The following STIM1 variants were observed in gnomAD, a reference collection of about 807,000 sequenced individuals.
The protein encoded by STIM1 is stromal interaction molecule 1.
A neutral mutation model predicts 74.7 loss-of-function variants in STIM1; 25 were observed. The ratio of observed to expected loss-of-function variants is 0.33; its 90% CI spans 0.24 to 0.47. STIM1 has a LOEUF of 0.47. Ranked by LOEUF, STIM1 falls within the 20% of genes least tolerant of loss-of-function variation. The pLI, the probability that STIM1 is intolerant of heterozygous loss-of-function variation, is 1.00. For missense variants in STIM1, 728 were observed against 920.8 expected (o/e 0.79, Z 2.71); for synonymous variants, 328 against 348.8 (o/e 0.94, Z 0.66).
chr11:3,983,386 T>A (rs1250961412), intron 2 of STIM1, among the ~76,000 whole-genome samples: 1 of 152,232 alleles, frequency 6.6e-6, no homozygotes, highest in Non-Finnish European at 1.5e-5. Flanking sequence ...CTTTTGAGAA[T>A]GTCAGACTGA....
intron 2 of STIM1, among the ~76,000 whole-genome samples, chr11:4,005,931 C>T (rs1328484877): frequency 2.0e-5 from 3 of 152,024 alleles, no homozygotes; most frequent in Non-Finnish European, 2.9e-5. Flanking sequence ...AGCTATTGTA[C>T]CTGAAATATG....
In STIM1 at chr11:4,023,980, A is replaced by G. The variant is rs1474841835; in HGVS notation, c.378A>G (p.Ser126=). ...AGGACCTGTGGAAGGCATGGAAGTC[A>G]TCAGAAGGTAATAGGCAGCCTGGTC... ...SVEDLWKAWK[S]SEVYNWTVDE... is the part of the protein sequence containing the mutation. Residue 126 remains serine, a synonymous_variant, in exon 3 of 13, where the codon TCA becomes TCG. Coordinates refer to ENST00000526596, the MANE Select transcript of STIM1 (RefSeq NM_001382567.1). The G allele has an allele frequency of 6.2e-7, 1 of 1,613,680 alleles. No individual in the cohort carries two copies. The highest frequency in any genetic ancestry group is 8.5e-7 in the Non-Finnish European group (1 of 1,179,712).
At chr11:4,086,779 T>A in intron 12 of STIM1, 1 of 1,536,876 alleles carries the variant, frequency 6.5e-7, no homozygotes, top group South Asian at 1.2e-5. Context: ...CAGCACTTCC[T>A]ATTTCCTCCA....
intron 1 of STIM1, among the ~76,000 whole-genome samples, chr11:3,955,071 T>C (rs2093194778): frequency 6.6e-6 from 1 of 152,258 alleles, no homozygotes; most frequent in Non-Finnish European, 1.5e-5. Flanking sequence ...CTGATTCATG[T>C]GACAACATGG....
intron 1 of STIM1, among the ~76,000 whole-genome samples, chr11:3,888,488 C>G (rs961034903): frequency 6.6e-6 from 1 of 152,068 alleles, no homozygotes; most frequent in Non-Finnish European, 1.5e-5. Context: ...AATATTATAA[C>G]CCAGGTTTTA....
chr11:4,057,929 T>G (rs1284201164), intron 4 of STIM1, among the ~76,000 whole-genome samples: 1 of 151,860 alleles, frequency 6.6e-6, no homozygotes, highest in African/African-American at 2.4e-5. Flanking sequence ...AAGGTTGTTG[T>G]GAGGACTGAA....
chr11:3,890,859 C>T (rs192524723), intron 1 of STIM1, among the ~76,000 whole-genome samples: 55 of 152,306 alleles, frequency 3.6e-4, no homozygotes, highest in Admixed American at 2.0e-4. Flanking sequence ...TTAGGACTTT[C>T]ACCTCTCCAG....
chr11:4,082,024 C>A (rs1258878290), intron 7 of STIM1, among the ~76,000 whole-genome samples, 160 bp from the exon 8 acceptor site: 1 of 152,216 alleles, frequency 6.6e-6, no homozygotes, highest in South Asian at 2.1e-4. Flanking sequence ...CTTCGCTGAG[C>A]TTGCTTTCTT....
intron 5 of STIM1, among the ~76,000 whole-genome samples, chr11:4,067,386 A>G (rs78458244): frequency 6.6e-6 from 1 of 152,214 alleles, no homozygotes; most frequent in Non-Finnish European, 1.5e-5. Flanking sequence ...TGGCAATGCC[A>G]CTATCAGCTT....
intron 1 of STIM1, among the ~76,000 whole-genome samples, chr11:3,897,658 C>G (rs2092224615): frequency 6.6e-6 from 1 of 152,038 alleles, no homozygotes; most frequent in Non-Finnish European, 1.5e-5. Context: ...GCTATCCCTC[C>G]CCCCGCCACG....
chr11:3,911,693 T>A (rs2092564660), intron 1 of STIM1, among the ~76,000 whole-genome samples: 1 of 152,206 alleles, frequency 6.6e-6, no homozygotes, highest in Non-Finnish European at 1.5e-5. Flanking sequence ...TACTCTTTTC[T>A]ATCTAGTAAA....
intron 1 of STIM1, among the ~76,000 whole-genome samples, chr11:3,966,128 G>T (rs1252238146): frequency 6.6e-6 from 1 of 152,196 alleles, no homozygotes; most frequent in Non-Finnish European, 1.5e-5. Context: ...CAGCTATCTG[G>T]TCACCCTAGC....
intron 1 of STIM1, among the ~76,000 whole-genome samples, chr11:3,862,276 CAG>C (rs1342545418): frequency 6.6e-6 from 1 of 152,026 alleles, no homozygotes; most frequent in Non-Finnish European, 1.5e-5. Context: ...TAGGAACTTG[CAG>C]AGAGTTTATT....
intron 5 of STIM1, among the ~76,000 whole-genome samples, chr11:4,061,101 A>G (rs942347252): frequency 6.6e-6 from 1 of 152,224 alleles, no homozygotes; most frequent in Admixed American, 6.5e-5. Flanking sequence ...GCCTTGTAAT[A>G]TATATTATCA....
At chr11:3,948,234 G>A (rs1336018077) in intron 1 of STIM1, among the ~76,000 whole-genome samples, 1 of 152,018 alleles carries the variant, frequency 6.6e-6, no homozygotes, top group African/African-American at 2.4e-5. Flanking sequence ...GCTAGAGAGA[G>A]AATAATTCTA....
At chr11:4,058,870 A>G (rs2920138) in intron 4 of STIM1, 1,048,563 of 1,050,236 alleles carry the variant, frequency 1, 523,449 homozygotes, top group East Asian at 1. Flanking sequence ...TAATTCATAA[A>G]TCCCAGAATC....
chr11:3,985,754 G>T (rs2093552728), intron 2 of STIM1, among the ~76,000 whole-genome samples: 1 of 152,240 alleles, frequency 6.6e-6, no homozygotes, highest in Admixed American at 6.5e-5. Flanking sequence ...GGAATTGGCA[G>T]CTGGCTCCCA....
intron 1 of STIM1, among the ~76,000 whole-genome samples, chr11:3,857,108 G>GTTTTTTTTTTTT (rs34961672): frequency 9.6e-6 from 1 of 104,038 alleles, no homozygotes; most frequent in African/African-American, 3.4e-5. Context: ...TTTTTTTTTT[G>GTTTTTTTTTTTT]TTTTTTTTTT....
chr11:4,048,151 G>A (rs1434751600), intron 3 of STIM1, among the ~76,000 whole-genome samples: 1 of 152,090 alleles, frequency 6.6e-6, no homozygotes, highest in East Asian at 1.9e-4. Context: ...AAAAGATATG[G>A]ATCTTATGAG....
Sources: allele counts gnomAD v4.1 joint callset (sites outside exome capture counted in the v4.1 genomes callset), GRCh38; gene constraint gnomAD v4.1.1; transcripts MANE v1.5; gene names NCBI Gene and HGNC (gene_info 2026-07-23, HGNC 2026-07-21).